The following XYLB variants were observed in gnomAD, a reference collection of about 807,000 sequenced individuals.
XYLB encodes the protein xylulose kinase.
A neutral mutation model predicts 78.7 loss-of-function variants in XYLB; 62 were observed. The observed-to-expected ratio is 0.79, with a 90% confidence interval of 0.64 to 0.97. The LOEUF (loss-of-function observed/expected upper bound fraction) is 0.97. Among genes scored for constraint, XYLB ranks in the 50% least tolerant of loss-of-function variants. The probability of loss-of-function intolerance (pLI) is 0.00; values close to 1 mark genes in which losing one functional copy is unlikely to be tolerated. For missense variants in XYLB, 687 were observed against 676.8 expected (o/e 1.02, Z -0.17); for synonymous variants, 245 against 247.4 (o/e 0.99, Z 0.09).
At chr3:38,360,488 A>G in intron 3 of XYLB, 80 bp downstream of exon 3, 1 of 1,337,786 alleles carries the variant, frequency 7.5e-7, no homozygotes, top group Non-Finnish European at 1.0e-6. Flanking sequence ...GGAAGTCCAA[A>G]GGTGGCAGCC....
At chr3:38,358,309 TTGTGTGTGTG>T (rs780269094) in intron 2 of XYLB, among the ~76,000 whole-genome samples, 24 of 54,956 alleles carry the variant, frequency 4.4e-4, no homozygotes, top group African/African-American at 1.7e-3. Context: ...CAGTTTTGTT[TTGTGTGTGTG>T]TGTGTGTGTG....
downstream of XYLB, among the ~76,000 whole-genome samples, chr3:38,423,216 G>T (rs2125696583): frequency 6.6e-6 from 1 of 152,178 alleles, no homozygotes; most frequent in South Asian, 2.1e-4. Flanking sequence ...GGGACTATAG[G>T]CGCCCACCAC....
intron 18 of XYLB, 76 bp from the exon 19 acceptor site, chr3:38,412,860 T>G: frequency 7.5e-7 from 1 of 1,325,562 alleles, no homozygotes; most frequent in Non-Finnish European, 1.0e-6. Context: ...ATTTAAAAAT[T>G]TTAAATTGCA....
intron 18 of XYLB, among the ~76,000 whole-genome samples, chr3:38,409,379 A>C (rs546135170): frequency 6.6e-6 from 1 of 152,358 alleles, no homozygotes; most frequent in African/African-American, 2.4e-5. Context: ...TATTGATGGG[A>C]CATATCTCAA....
At chr3:38,388,169 G>GTTTTGTTTTTTTTTTTT (rs777492111) in intron 15 of XYLB, among the ~76,000 whole-genome samples, 1 of 109,346 alleles carries the variant, frequency 9.1e-6, no homozygotes, top group Non-Finnish European at 2.0e-5. Flanking sequence ...GTTTTTTTTT[G>GTTTTGTTTTTTTTTTTT]TTTTTTTTTT....
At position 38,365,284 on chromosome 3, in the gene XYLB, A is replaced by G. The variant is rs757983874; in HGVS notation, c.377A>G (p.Gln126Arg). ...GACCTCCGGCTACACCAGCAGCTGCAGGTAACTGTGGCTACGTTGTGTGAG... is the reference window on the plus strand; with the variant it reads ...GACCTCCGGCTACACCAGCAGCTGCGGGTAACTGTGGCTACGTTGTGTGAG... ...SPDLRLHQQL[Q>R]DCFSISDCPV... The change falls in exon 5 of 19, where the codon CAG becomes CGG. Residue 126 changes from glutamine (Q) to arginine (R), a missense_variant and splice_region_variant. Transcript: ENST00000207870. The G allele has an allele frequency of 1.9e-6, 3 of 1,614,160 alleles. No individual in the cohort carries two copies. In the East Asian group the frequency reaches 6.7e-5, roughly 36 times the overall value.
intron 8 of XYLB, among the ~76,000 whole-genome samples, chr3:38,368,712 G>A (rs1706388239): frequency 6.6e-6 from 1 of 152,164 alleles, no homozygotes; most frequent in African/African-American, 2.4e-5. Flanking sequence ...AGAAGCTGAG[G>A]AGTCTTTTAT....
intron 9 of XYLB, among the ~76,000 whole-genome samples, chr3:38,371,434 T>C (rs1388521582): frequency 3.9e-5 from 6 of 152,112 alleles, no homozygotes; most frequent in Non-Finnish European, 7.4e-5. Context: ...CCACCACGCC[T>C]GGCTAATTTT....
At position 38,374,474 on chromosome 3, in the gene XYLB, G is replaced by T. The variant is rs137889492; in HGVS notation, c.860G>T (p.Gly287Val). 6.2e-7 allele frequency: 1 copy of T among 1,613,560 alleles called. No homozygotes were observed. Among genetic ancestry groups the T allele is most frequent in the Non-Finnish European group, 8.5e-7 (1 of 1,179,720 alleles). ...FTGDNPASLA[G>V]MRLEEGDIAV... ...CTCCCATTCTCAGCGTCGCTGGCAG[G>T]CATGAGACTGGAGGAAGGTGACATT... The change falls in exon 11 of 19, where the codon GGC becomes GTC. Residue 287 changes from glycine to valine, a missense_variant. Gly to Val is a moderately radical substitution (Grantham distance 109). Transcript: ENST00000207870.
rs201827566 is a variant in XYLB, at chr3:38,365,568, C to T, written c.379-40C>T. 2.5e-5 allele frequency: 40 copies of T among 1,573,054 alleles called. No homozygotes were observed. The African/African-American group carries it at 3.0e-4, about 12-fold the overall frequency. On this transcript the variant is annotated intron_variant, in intron 5 of 18. Transcript: ENST00000207870. ...GCCCTGGGGCAGATCTCCAAGTCAG[C>T]GGATGGAGCTTAAGCCTGTGCCTTT... is the stretch of plus-strand genomic sequence containing the variant.
chr3:38,425,654 A>G (rs1483552865), downstream of XYLB, among the ~76,000 whole-genome samples: 1 of 152,198 alleles, frequency 6.6e-6, no homozygotes, highest in East Asian at 1.9e-4. Flanking sequence ...AAATAATAAC[A>G]TGGGGTAGAG....
intron 2 of XYLB, among the ~76,000 whole-genome samples, chr3:38,358,312 TGTGTG>T (rs1559575597): frequency 1.4e-4 from 3 of 21,858 alleles, no homozygotes; most frequent in African/African-American, 4.1e-4. Flanking sequence ...TTTTGTTTTG[TGTGTG>T]TGTGTGTGTG....
intron 2 of XYLB, chr3:38,355,784 C>A: frequency 2.8e-6 from 2 of 703,676 alleles, no homozygotes; most frequent in Non-Finnish European, 5.2e-6. Flanking sequence ...GAGCCACCAT[C>A]AACCTGGTTC....
At chr3:38,362,193 T>C (rs768514102) in intron 3 of XYLB, among the ~76,000 whole-genome samples, 1 of 152,152 alleles carries the variant, frequency 6.6e-6, no homozygotes, top group Non-Finnish European at 1.5e-5. Flanking sequence ...AGATCACTAA[T>C]ATAGAGGGTT....
In XYLB at chr3:38,358,938, C is replaced by T. The variant is rs1004374793; in HGVS notation, c.141-1401C>T. On this transcript the variant is annotated intron_variant, in intron 2 of 18. Transcript: ENST00000207870. The stretch of plus-strand genomic sequence containing the variant: ...AGATACAGAATGTTTATATCACCCC[C>T]CAAAAGATCGCTTTTTTCCCTGCTT... Among the ~76,000 whole-genome samples, 4 of 152,206 alleles carry T rather than the reference C, an allele frequency of 2.6e-5. No individual in the cohort carries two copies. The East Asian group carries it at 7.7e-4, about 29-fold the overall frequency.
intron 2 of XYLB, among the ~76,000 whole-genome samples, chr3:38,352,925 G>C (rs1321151406): frequency 1.3e-5 from 2 of 152,176 alleles, no homozygotes; most frequent in Non-Finnish European, 2.9e-5. Context: ...GTTATATGGG[G>C]TTTCACCATG....
At chr3:38,421,203 A>G (rs1313580435), downstream of XYLB, 2 of 152,436 alleles carry the variant, frequency 1.3e-5, no homozygotes, top group Non-Finnish European at 2.9e-5. Context: ...GTCTGTCTTA[A>G]TTACTGTAGC....
At position 38,353,723 on chromosome 3, in the gene XYLB, C is replaced by T. The variant is rs182587855; in HGVS notation, c.140+5091C>T. ...CTAACATGGTGAAACCCTGTCTGTACTGAAAATACAAAAATTAGCTGAGCA... is the reference window on the plus strand; with the variant it reads ...CTAACATGGTGAAACCCTGTCTGTATTGAAAATACAAAAATTAGCTGAGCA... On this transcript the variant is annotated intron_variant, in intron 2 of 18. Coordinates refer to ENST00000207870, the MANE Select transcript of XYLB (RefSeq NM_005108.4). Among the ~76,000 whole-genome samples the T allele has an allele frequency of 9.3e-4, 142 of 151,936 alleles. 1 individual carries two copies. Among genetic ancestry groups the T allele is most frequent in the Admixed American group, 7.7e-3 (118 of 15,250 alleles).
intron 2 of XYLB, among the ~76,000 whole-genome samples, chr3:38,354,973 T>A (rs1021909812): frequency 5.3e-5 from 8 of 152,334 alleles, no homozygotes; most frequent in African/African-American, 1.9e-4. Flanking sequence ...ACATACAGCT[T>A]TTGCTCACTT....
Sources: gnomAD v4.1 joint callset for allele counts (sites outside exome capture counted in the v4.1 genomes callset) on GRCh38, gnomAD v4.1.1 for gene constraint, MANE v1.5 for transcripts, NCBI Gene and HGNC (gene_info 2026-07-23, HGNC 2026-07-21) for gene names.